The following SWT1 variants were observed in gnomAD, a reference collection of about 807,000 sequenced individuals.
SWT1 encodes the protein transcriptional protein SWT1.
A neutral mutation model predicts 107.3 loss-of-function variants in SWT1; 33 were observed. The observed-to-expected ratio is 0.31, with a 90% CI of 0.23 to 0.41. SWT1 has a LOEUF of 0.41. SWT1 is among the 10% of genes least tolerant of loss of function. The pLI, the probability that SWT1 is intolerant of heterozygous loss-of-function variation, is 1.00. For missense variants in SWT1, 898 were observed against 1,028.9 expected (o/e 0.87, Z 1.74); for synonymous variants, 345 against 348.3 (o/e 0.99, Z 0.11).
chr1:185,266,105 C>T (rs1262209162), intron 16 of SWT1, among the ~76,000 whole-genome samples: 1 of 151,956 alleles, frequency 6.6e-6, no homozygotes, highest in Non-Finnish European at 1.5e-5. Context: ...GCTCAGTTGC[C>T]CAGGCTGGAG....
chr1:185,270,039 A>G lies in SWT1; in HGVS notation c.2442-1284A>G, dbSNP rs1456174026. On this transcript the variant is annotated intron_variant, in intron 16 of 18. Transcript: ENST00000367500. ...TGTTACTGTCACTGTTATAATTGAC[A>G]TATACTGTATAGTACTTGCTGTATT... 5.9e-5 allele frequency among the ~76,000 whole-genome samples: 9 copies of G among 152,356 alleles called. No individual in the cohort carries two copies. In the East Asian group the frequency reaches 1.7e-3, roughly 29 times the overall value.
Position 185,204,802 on chromosome 1 carries a change from C to T in SWT1, c.1772C>T (p.Thr591Ile). Residue 591 changes from threonine to isoleucine, a missense_variant, in exon 12 of 19, where the codon ACA (threonine) becomes ATA (isoleucine). Coordinates refer to ENST00000367500, the MANE Select transcript of SWT1 (RefSeq NM_017673.7). ...TCTGATCTTGAAAAATCTCTTGGAA[C>T]AGGTTTATCTTCAATATTAGAAACA... ...IVSDLEKSLG[T>I]GLSSILETEM... 6.3e-7 allele frequency: 1 copy of T among 1,592,380 alleles called. No homozygotes were observed.
intron 2 of SWT1, among the ~76,000 whole-genome samples, chr1:185,166,183 A>G (rs182389492): frequency 2.6e-4 from 40 of 152,298 alleles, no homozygotes; most frequent in Non-Finnish European, 4.9e-4. Flanking sequence ...TCTTTGGTAC[A>G]TGGTAGGTAC....
In SWT1 at chr1:185,223,025, C is replaced by T. The variant is rs543908858; in HGVS notation, c.2309+989C>T. Among the ~76,000 whole-genome samples, 3 of 152,298 alleles carry T rather than the reference C, an allele frequency of 2.0e-5. No homozygotes were observed. The South Asian group carries it at 6.2e-4, about 32-fold the overall frequency. ...ACAGCAGACACAGGAGTGCAGGCATCTCTTTGACATACTCATTTCATGTCC... is the reference window on the plus strand; with the variant it reads ...ACAGCAGACACAGGAGTGCAGGCATTTCTTTGACATACTCATTTCATGTCC... On this transcript the variant is annotated intron_variant, in intron 15 of 18. Transcript: ENST00000367500.
At chr1:185,226,087 TCCC>T (rs1249049049) in intron 15 of SWT1, among the ~76,000 whole-genome samples, 1 of 152,108 alleles carries the variant, frequency 6.6e-6, no homozygotes, top group African/African-American at 2.4e-5. Context: ...TTACCATATA[TCCC>T]TGACAGGGAT....
intron 16 of SWT1, 54 bp downstream of exon 16, chr1:185,231,762 C>T: frequency 7.0e-7 from 1 of 1,427,960 alleles, no homozygotes. Flanking sequence ...TTCTCTTTCT[C>T]CTAGGCTTAC....
chr1:185,173,408 A>G (rs1321052109), intron 4 of SWT1, among the ~76,000 whole-genome samples: 1 of 151,970 alleles, frequency 6.6e-6, no homozygotes, highest in African/African-American at 2.4e-5. Flanking sequence ...CTATTAAGAA[A>G]TCAGGTTGGG....
intron 14 of SWT1, among the ~76,000 whole-genome samples, chr1:185,221,460 A>C (rs1659651793): frequency 6.6e-6 from 1 of 152,022 alleles, no homozygotes; most frequent in Non-Finnish European, 1.5e-5. Context: ...TTTAAACAAC[A>C]CTTTGCAGCC....
At chr1:185,276,552 C>A in intron 17 of SWT1, 52 bp from the exon 18 acceptor site, 5 of 1,102,406 alleles carry the variant, frequency 4.5e-6, no homozygotes, top group South Asian at 1.5e-5. Context: ...ATTTTGCTGT[C>A]ATCACTCACT....
chr1:185,228,359 A>C (rs1660253400), intron 15 of SWT1, among the ~76,000 whole-genome samples: 1 of 151,674 alleles, frequency 6.6e-6, no homozygotes, highest in African/African-American at 2.4e-5. Flanking sequence ...CATCTTTACT[A>C]GAAATCAAAA....
chr1:185,167,616 A>G (rs1395435842), intron 3 of SWT1, among the ~76,000 whole-genome samples: 1 of 152,120 alleles, frequency 6.6e-6, no homozygotes, highest in Non-Finnish European at 1.5e-5. Flanking sequence ...TTTACTCACT[A>G]TTTGCCATTC....
intron 16 of SWT1, among the ~76,000 whole-genome samples, chr1:185,270,833 TCAAG>T: frequency 6.6e-6 from 1 of 152,356 alleles, no homozygotes; most frequent in African/African-American, 2.4e-5. Flanking sequence ...GGCTGATAGT[TCAAG>T]CAATGTTATT....
intron 16 of SWT1, among the ~76,000 whole-genome samples, chr1:185,233,862 G>A (rs1381108470): frequency 6.6e-6 from 1 of 152,072 alleles, no homozygotes; most frequent in Non-Finnish European, 1.5e-5. Context: ...TCCTGCCTCA[G>A]CCTCCCAAGT....
At chr1:185,271,227 C>T in intron 16 of SWT1, 96 bp from the exon 17 acceptor site, 2 of 678,388 alleles carry the variant, frequency 2.9e-6, no homozygotes, top group Non-Finnish European at 5.3e-6. Context: ...AATAAGTTAC[C>T]TCTTGTGGTA....
chr1:185,286,969 T>G (rs1240564106), intron 18 of SWT1, among the ~76,000 whole-genome samples: 1 of 152,212 alleles, frequency 6.6e-6, no homozygotes, highest in African/African-American at 2.4e-5. Flanking sequence ...ATATACTGCT[T>G]TTATATTTGT....
intron 2 of SWT1, among the ~76,000 whole-genome samples, chr1:185,165,911 A>C (rs957636558): frequency 6.6e-6 from 1 of 152,154 alleles, no homozygotes; most frequent in African/African-American, 2.4e-5. Flanking sequence ...CTCCATTCAG[A>C]TGTCAGCTCG....
intron 9 of SWT1, among the ~76,000 whole-genome samples, chr1:185,188,795 C>G (rs1656707611): frequency 6.6e-6 from 1 of 152,050 alleles, no homozygotes. Context: ...AAGAGACAGG[C>G]CAAGACCTTA....
chr1:185,251,225 G>C (rs900484588), intron 16 of SWT1: 4 of 152,126 alleles, frequency 2.6e-5, no homozygotes, highest in African/African-American at 7.2e-5. Flanking sequence ...TCCTGAACTG[G>C]TGCCACCTAA....
intron 13 of SWT1, among the ~76,000 whole-genome samples, chr1:185,212,222 AAAAT>A (rs1328940679): frequency 5.3e-5 from 8 of 152,176 alleles, no homozygotes; most frequent in Non-Finnish European, 7.3e-5. Context: ...TAAAATAAAA[AAAAT>A]AAAGCATGTA....
Sources: allele counts gnomAD v4.1 joint callset (sites outside exome capture counted in the v4.1 genomes callset), GRCh38; gene constraint gnomAD v4.1.1; transcripts MANE v1.5; gene names NCBI Gene and HGNC (gene_info 2026-07-23, HGNC 2026-07-21).